Variants in PEX11G observed in about 807,000 individuals in gnomAD.
PEX11G encodes the protein peroxisomal membrane protein 11C.
PEX11G carries 20 observed loss-of-function variants against 22.5 expected under a neutral mutation model. The ratio of observed to expected loss-of-function variants is 0.89; its 90% CI spans 0.62 to 1.29. The LOEUF is 1.29. PEX11G is among the 50% of genes most tolerant of loss of function. The pLI, the probability that PEX11G is intolerant of heterozygous loss-of-function variation, is 0.00. For synonymous variants in PEX11G, 141 were observed against 154.5 expected (o/e 0.91, Z 0.65); for missense variants, 347 against 331.3 (o/e 1.05, Z -0.37).
chr19:7,486,694 G>A (rs530134120), intron 1 of PEX11G, among the ~76,000 whole-genome samples: 2 of 151,678 alleles, frequency 1.3e-5, no homozygotes, highest in East Asian at 2.0e-4. Flanking sequence ...CCACCTCCCG[G>A]GTTCATGCGA....
rs1313795056 is a variant in PEX11G, at chr19:7,478,386, C to T, written c.429-10G>A. On this transcript the variant is annotated splice_polypyrimidine_tract_variant and intron_variant, in intron 3 of 4. Transcript: ENST00000221480. ...CAGCATCCACAGGGACCTGCAGCACCAGAGCCCGAGGGAGGATGCCCCGGC... is the reference window on the plus strand; with the variant it reads ...CAGCATCCACAGGGACCTGCAGCACTAGAGCCCGAGGGAGGATGCCCCGGC... 6.2e-7 allele frequency: 1 copy of T among 1,606,186 alleles called. No individual in the cohort carries two copies. Among genetic ancestry groups the T allele is most frequent in the African/African-American group, 1.3e-5 (1 of 74,888 alleles).
rs967932710 is a variant in PEX11G, at chr19:7,494,334, G to A, written c.-457+3069C>T. ...TTGAATCCAGGAGGTGGAGGTTGCA[G>A]TGAACCGAGATCACGCCACTGCACT... On this transcript the variant is annotated intron_variant, in intron 1 of 6. Coordinates refer to the PEX11G transcript ENST00000593942. Among the ~76,000 whole-genome samples, 4 of 152,178 alleles carry A rather than the reference G, an allele frequency of 2.6e-5. No homozygotes were observed. In the South Asian group the frequency reaches 6.2e-4, roughly 24 times the overall value.
intron 3 of PEX11G, among the ~76,000 whole-genome samples, chr19:7,479,384 T>C (rs1426987432): frequency 1.3e-5 from 2 of 152,176 alleles, no homozygotes; most frequent in African/African-American, 4.8e-5. Flanking sequence ...CTCGGGAGGC[T>C]GAGGCAGGAG....
At chr19:7,487,925 G>A (rs926419827) in intron 1 of PEX11G, among the ~76,000 whole-genome samples, 4 of 152,088 alleles carry the variant, frequency 2.6e-5, no homozygotes, top group Admixed American at 2.0e-4. Flanking sequence ...CCAGTACACC[G>A]CCTGGTACAA....
At chr19:7,483,663 A>G (rs1433338916) in intron 2 of PEX11G, among the ~76,000 whole-genome samples, 1 of 152,154 alleles carries the variant, frequency 6.6e-6, no homozygotes. Flanking sequence ...CCACAGCAAC[A>G]CTTATGATAT....
intron 3 of PEX11G, among the ~76,000 whole-genome samples, chr19:7,479,817 C>T (rs898303010): frequency 6.6e-5 from 10 of 152,204 alleles, no homozygotes; most frequent in African/African-American, 2.4e-4. Context: ...GAGCTACTCA[C>T]TTGGGGTGAT....
chr19:7,489,499 CG>C (rs1261941097), upstream of PEX11G: 6 of 987,406 alleles, frequency 6.1e-6, no homozygotes, highest in Admixed American at 6.1e-5. Context: ...TATCTTTGGA[CG>C]TTAAGAATTG....
At chr19:7,484,883 G>T (rs746723544) in intron 2 of PEX11G, among the ~76,000 whole-genome samples, 1 of 152,152 alleles carries the variant, frequency 6.6e-6, no homozygotes, top group African/African-American at 2.4e-5. Context: ...CCTTTGGAAT[G>T]TGTGAACGTT....
chr19:7,478,509 C>G (rs1977340259), intron 3 of PEX11G, 133 bp from the exon 4 acceptor site: 2 of 867,980 alleles, frequency 2.3e-6, no homozygotes, highest in Admixed American at 2.1e-5. Flanking sequence ...TCCCTGCCCC[C>G]ACAGTCCCAC....
In PEX11G at chr19:7,476,911, C is replaced by G. The variant is rs148610277; in HGVS notation, c.*291G>C. On this transcript the variant is annotated 3_prime_UTR_variant, in exon 5 of 5. Coordinates refer to ENST00000221480, the MANE Select transcript of PEX11G (RefSeq NM_080662.4). The stretch of plus-strand genomic sequence containing the variant: ...AATGTTTAATTGATTCCCGTTCCAG[C>G]TTTCTCAAGGCACGACAGGCCCCCT... 2.8e-4 allele frequency: 105 copies of G among 379,834 alleles called. No individual in the cohort carries two copies. The East Asian group carries it at 3.9e-3, about 14-fold the overall frequency. The allele number at this position is 379,834 out of a possible 1,614,324, so 23.5% of individuals were successfully genotyped here.
Position 7,488,971 on chromosome 19 carries a change from A to ACGACTCCAGCGC in PEX11G, c.28_39dup (p.Ala10_Ser13dup). On this transcript the variant is annotated inframe_insertion, in exon 1 of 5. Transcript: ENST00000221480. ...CTCACCAGGCGGTCCCGGCCCCTGT[A>ACGACTCCAGCGC]CGACTCCAGCGCCGACGCCAGGCCG... The ACGACTCCAGCGC allele has an allele frequency of 6.4e-7, 1 of 1,555,122 alleles. No individual in the cohort carries two copies. Among genetic ancestry groups the ACGACTCCAGCGC allele is most frequent in the Non-Finnish European group, 8.7e-7 (1 of 1,151,978 alleles).
At chr19:7,490,490 A>AT (rs59322811), upstream of PEX11G, among the ~76,000 whole-genome samples, 355 of 114,860 alleles carry the variant, frequency 3.1e-3, 1 homozygote, top group African/African-American at 9.6e-3. Flanking sequence ...CGCCTGGGTA[A>AT]TTTTTTTTTT....
At chr19:7,481,383 G>A (rs969148763) in intron 3 of PEX11G, among the ~76,000 whole-genome samples, 8 of 152,100 alleles carry the variant, frequency 5.3e-5, no homozygotes, top group African/African-American at 1.9e-4. Context: ...TGTATTTTTA[G>A]TAGAGACAGG....
At chr19:7,492,772 A>G (rs1258336751), upstream of PEX11G, among the ~76,000 whole-genome samples, 1 of 151,914 alleles carries the variant, frequency 6.6e-6, no homozygotes, top group Non-Finnish European at 1.5e-5. Context: ...TTCACAGAAT[A>G]TTTCCTCTTG....
In PEX11G at chr19:7,485,446, C is replaced by T. The variant is rs577657576; in HGVS notation, c.249+392G>A. Among the ~76,000 whole-genome samples, 237 of 152,302 alleles carry T rather than the reference C, an allele frequency of 1.6e-3. 1 individual carries two copies. Among genetic ancestry groups the T allele is most frequent in the African/African-American group, 5.4e-3 (224 of 41,572 alleles). On this transcript the variant is annotated intron_variant, in intron 2 of 4. Coordinates refer to ENST00000221480, the MANE Select transcript of PEX11G (RefSeq NM_080662.4). ...TCTCGGCTCACTGCAAGCTCCACCT[C>T]CCGGGTTCAGGCCATTCTCCTGCCT...
At position 7,477,096 on chromosome 19, in the gene PEX11G, C is replaced by G; in HGVS notation, c.*106G>C. On this transcript the variant is annotated 3_prime_UTR_variant, in exon 5 of 5. Coordinates refer to ENST00000221480, the MANE Select transcript of PEX11G (RefSeq NM_080662.4). ...CCACCCACCCTGCCCATGGGTTTCA[C>G]CACAGGCAGCTCCATGAGAGCCCCG... 1 of 1,123,524 alleles carries G rather than the reference C, an allele frequency of 8.9e-7. No homozygotes were observed. The highest frequency in any genetic ancestry group is 1.2e-6 in the Non-Finnish European group (1 of 840,580). The allele number at this position is 1,123,524 out of a possible 1,614,324, so 69.6% of individuals were successfully genotyped here.
At chr19:7,477,477 C>G in intron 4 of PEX11G, 41 bp from the exon 5 acceptor site, 3 of 1,363,158 alleles carry the variant, frequency 2.2e-6, no homozygotes, top group Non-Finnish European at 2.8e-6. Context: ...ACGCTCACAC[C>G]TGCCTGCCCT....
chr19:7,487,344 A>G (rs1470237829), intron 1 of PEX11G, among the ~76,000 whole-genome samples: 1 of 152,228 alleles, frequency 6.6e-6, no homozygotes, highest in Admixed American at 6.5e-5. Context: ...GAACAACAGG[A>G]TAATTTGGTA....
intron 1 of PEX11G, 38 bp downstream of exon 1, chr19:7,488,913 A>G (rs1489163760): frequency 1.3e-6 from 2 of 1,544,866 alleles, no homozygotes; most frequent in South Asian, 2.4e-5. Context: ...CTTGGGCCAA[A>G]CTCTAGGACC....
Sources: gnomAD v4.1 joint callset for allele counts (sites outside exome capture counted in the v4.1 genomes callset) on GRCh38, gnomAD v4.1.1 for gene constraint, MANE v1.5 for transcripts, NCBI Gene and HGNC (gene_info 2026-07-23, HGNC 2026-07-21) for gene names.